Variants in ZNF841 observed in about 807,000 individuals in gnomAD.
ZNF841 encodes TCONS_00006091.
ZNF841 carries 11 observed loss-of-function variants against 13.0 expected under a neutral mutation model. The observed-to-expected ratio is 0.85, with a 90% CI of 0.53 to 1.40. The LOEUF (loss-of-function observed/expected upper bound fraction) is 1.40. Among genes scored for constraint, ZNF841 ranks in the 40% most tolerant of loss-of-function variants. ZNF841 has a pLI of 0.00. For missense variants in ZNF841, 1,068 were observed against 1,139.5 expected, an observed-to-expected ratio of 0.94 and a Z score of 0.90; for synonymous variants, 369 against 381.6, an observed-to-expected ratio of 0.97 and a Z score of 0.38.
At chr19:52,083,561 A>G (rs1031102744) in intron 4 of ZNF841, among the ~76,000 whole-genome samples, 1 of 152,116 alleles carries the variant, frequency 6.6e-6, no homozygotes, top group Admixed American at 6.5e-5. Flanking sequence ...ATCAAAATAA[A>G]ATAATTTTCA....
chr19:52,089,771 G>A (rs917092884), intron 2 of ZNF841, among the ~76,000 whole-genome samples: 1 of 152,034 alleles, frequency 6.6e-6, no homozygotes, highest in African/African-American at 2.4e-5. Context: ...ACCACACTTG[G>A]GACAGGTGCA....
At chr19:52,059,465 C>CATTTT (rs1478736546), downstream of ZNF841, among the ~76,000 whole-genome samples, 2 of 145,804 alleles carry the variant, frequency 1.4e-5, no homozygotes, top group Non-Finnish European at 3.0e-5. Flanking sequence ...AGGTCCCTTA[C>CATTTT]ATTTTAAGTT....
the ZNF841 span, chr19:52,058,742 A>AT: frequency 6.5e-6 from 1 of 153,164 alleles, no homozygotes. Flanking sequence ...CAAAAAAGCC[A>AT]TTTTTCAAAA....
At chr19:52,074,145 T>C (rs2087820756) in intron 6 of ZNF841, among the ~76,000 whole-genome samples, 1 of 149,646 alleles carries the variant, frequency 6.7e-6, no homozygotes, top group African/African-American at 2.5e-5. Context: ...TGCTGAGCTA[T>C]ACCATCTGTA....
At chr19:52,064,110 C>T (rs1021610930), downstream of ZNF841, among the ~76,000 whole-genome samples, 5 of 151,176 alleles carry the variant, frequency 3.3e-5, no homozygotes, top group African/African-American at 4.9e-5. Context: ...TTTGGGAGGC[C>T]GAGGCGGGTG....
Position 52,067,608 on chromosome 19 carries a change from T to C in ZNF841, c.274A>G (p.Ile92Val). Residue 92 changes from isoleucine to valine, a missense_variant and splice_region_variant, in exon 7 of 7, where the codon ATC (isoleucine) becomes GTC (valine). Physicochemically the swap from Ile to Val is conservative, Grantham distance 29. Coordinates refer to ENST00000594440, the MANE Select transcript of ZNF841 (RefSeq NM_001136499.2). ...GECMKGVITG[I>V]SPKCVIKELP... ...TCCTTGATCACACATTTAGGAGAGA[T>C]ACCTGCAAAATATAATGAACATGGG... is the stretch of plus-strand genomic sequence containing the variant. 1 of 1,497,896 alleles carries C rather than the reference T, an allele frequency of 6.7e-7. No homozygotes were observed. The highest frequency in any genetic ancestry group is 8.9e-7 in the Non-Finnish European group (1 of 1,126,864). 92.8% of individuals were successfully genotyped at this position (1,497,896 alleles called of 1,614,324 possible). A position where few individuals can be genotyped will look rare whatever the true frequency, so the allele number is the denominator to read the frequency against.
intron 3 of ZNF841, 62 bp from the exon 4 acceptor site, chr19:52,084,940 C>T (rs1275349560): frequency 1.1e-6 from 1 of 937,764 alleles, no homozygotes; most frequent in Non-Finnish European, 1.6e-6. Context: ...TGTGCCACAA[C>T]CATGCCCACA....
At chr19:52,059,750 A>G (rs1364385897), downstream of ZNF841, among the ~76,000 whole-genome samples, 1 of 152,186 alleles carries the variant, frequency 6.6e-6, no homozygotes, top group East Asian at 1.9e-4. Context: ...GTTTCACGCT[A>G]ACGTCCTTAA....
downstream of ZNF841, among the ~76,000 whole-genome samples, chr19:52,061,287 T>G (rs1454711896): frequency 6.6e-6 from 1 of 152,186 alleles, no homozygotes; most frequent in Non-Finnish European, 1.5e-5. Flanking sequence ...AATGTAAAAT[T>G]TTTTTTGCAC....
At chr19:52,070,319 CAA>C (rs2087703934) in intron 6 of ZNF841, among the ~76,000 whole-genome samples, 1 of 152,120 alleles carries the variant, frequency 6.6e-6, no homozygotes, top group African/African-American at 2.4e-5. Flanking sequence ...GAATAAAAGA[CAA>C]GAGACAAAAG....
chr19:52,085,338 G>A (rs2088235096), intron 3 of ZNF841, among the ~76,000 whole-genome samples: 1 of 152,194 alleles, frequency 6.6e-6, no homozygotes, highest in Admixed American at 6.5e-5. Context: ...TATGGTAAAA[G>A]GGCACAAAAC....
chr19:52,085,004 A>G (rs2088223647), intron 3 of ZNF841, 126 bp from the exon 4 acceptor site: 1 of 587,434 alleles, frequency 1.7e-6, no homozygotes, highest in Non-Finnish European at 3.0e-6. Flanking sequence ...GGATGCAAGC[A>G]TAATAAACTC....
chr19:52,078,018 C>A (rs1369927260), intron 4 of ZNF841, among the ~76,000 whole-genome samples: 1 of 152,138 alleles, frequency 6.6e-6, no homozygotes, highest in African/African-American at 2.4e-5. Context: ...ATAGGCTAGG[C>A]GTGGTGGCTC....
At chr19:52,086,750 T>C (rs1250674455) in intron 3 of ZNF841, among the ~76,000 whole-genome samples, 1 of 151,544 alleles carries the variant, frequency 6.6e-6, no homozygotes, top group Non-Finnish European at 1.5e-5. Context: ...GTCAGGGAGG[T>C]GACAAGAAAA....
chr19:52,078,563 G>A (rs1000582165), intron 4 of ZNF841, among the ~76,000 whole-genome samples: 3 of 151,906 alleles, frequency 2.0e-5, no homozygotes, highest in Non-Finnish European at 2.9e-5. Context: ...GCCGGGTGTG[G>A]TGGCCGGCGC....
At chr19:52,076,314 G>C in intron 5 of ZNF841, 142 bp from the exon 6 acceptor site, 1 of 1,009,908 alleles carries the variant, frequency 9.9e-7, no homozygotes, top group South Asian at 1.7e-5. Flanking sequence ...TGAATGCTTA[G>C]TGAACACTGT....
rs767050995 is a variant in ZNF841 at position 52,065,922 on chromosome 19, T to C, written c.1960A>G (p.Lys654Glu). Residue 654 changes from lysine to glutamate, a missense_variant, in exon 7 of 7, where the codon AAA (lysine) becomes GAA (glutamate). By Grantham distance (56) the Lys-to-Glu change is moderately conservative. Coordinates refer to ENST00000594440, the MANE Select transcript of ZNF841 (RefSeq NM_001136499.2). ...RKIHTGEKPY[K>E]CNDCGKAYTQ... ...TAGGCTTTGCCACAATCATTACATT[T>C]ATAAGGTTTCTCTCCGGTATGAATT... The C allele has an allele frequency of 6.2e-7, 1 of 1,614,230 alleles. No individual in the cohort carries two copies. Among genetic ancestry groups the C allele is most frequent in the South Asian group, 1.1e-5 (1 of 91,086 alleles).
At chr19:52,089,333 C>T (rs948429440) in intron 2 of ZNF841, among the ~76,000 whole-genome samples, 1 of 152,010 alleles carries the variant, frequency 6.6e-6, no homozygotes, top group Non-Finnish European at 1.5e-5. Flanking sequence ...AGATGGGGTC[C>T]CAAATGCTAT....
chr19:52,071,738 C>G (rs2087743771), intron 6 of ZNF841, among the ~76,000 whole-genome samples: 1 of 148,622 alleles, frequency 6.7e-6, no homozygotes, highest in African/African-American at 2.5e-5. Context: ...AAAACTATTT[C>G]AGGAAAAAAA....
Sources: gnomAD v4.1 joint callset for allele counts (sites outside exome capture counted in the v4.1 genomes callset) on GRCh38, gnomAD v4.1.1 for gene constraint, MANE v1.5 for transcripts, NCBI Gene and HGNC (gene_info 2026-07-23, HGNC 2026-07-21) for gene names.